ARSD: variants seen among roughly 807,000 people sequenced by gnomAD.
ARSD encodes testis tissue sperm-binding protein Li 39a.
ARSD carries 21 observed loss-of-function variants against 32.6 expected under a neutral mutation model. The ratio of observed to expected loss-of-function variants is 0.64; its 90% CI spans 0.46 to 0.93. ARSD has a LOEUF of 0.93. Ranked by LOEUF, ARSD falls within the 40% of genes least tolerant of loss-of-function variation. ARSD has a pLI of 0.00. For missense variants in ARSD, 454 were observed against 520.9 expected, an observed-to-expected ratio of 0.87 and a Z score of 1.25; for synonymous variants, 224 against 237.4, an observed-to-expected ratio of 0.94 and a Z score of 0.52.
At position 2,909,683 on chromosome X, in the gene ARSD, C is replaced by CAAAA. The variant is rs751282477; in HGVS notation, c.1298+130_1298+133dup. ...TGGGCAAGAGTGTGAGACTCTGTCT[C>CAAAA]AAAAAAAAAAAAAAAAAAAAGCTTA... On this transcript the variant is annotated intron_variant, in intron 8 of 9. Coordinates refer to ENST00000381154, the MANE Select transcript of ARSD (RefSeq NM_001669.4). 130 of 289,419 alleles carry CAAAA rather than the reference C, an allele frequency of 4.5e-4. 2 individuals carry two copies. In the African/African-American group the frequency reaches 8.8e-3, roughly 20 times the overall value. 23.9% of individuals were successfully genotyped at this position (289,419 alleles called of 1,213,427 possible).
chrX:2,909,080 GCACACA>G (rs60574020), intron 8 of ARSD, among the ~76,000 whole-genome samples: 4 of 105,895 alleles, frequency 3.8e-5, no homozygotes, highest in East Asian at 3.0e-4. Context: ...TAAGCAGAGT[GCACACA>G]CACACACACA....
chrX:2,929,312 G>A lies in ARSD; in HGVS notation c.-37C>T. Reference sequence around the variant, plus strand: ...GGCCCAGAGCGCAGGACCTTGCCCTGCGCACTCCGCGCCCGGGCGCCGCTA... The same window carrying A: ...GGCCCAGAGCGCAGGACCTTGCCCTACGCACTCCGCGCCCGGGCGCCGCTA... On this transcript the variant is annotated 5_prime_UTR_variant, in exon 1 of 10. Transcript: ENST00000381154. 2 of 945,056 alleles carry A rather than the reference G, an allele frequency of 2.1e-6. No homozygotes were observed. Among genetic ancestry groups the A allele is most frequent in the Middle Eastern group, 4.4e-4 (1 of 2,250 alleles). 77.9% of individuals were successfully genotyped at this position (945,056 alleles called of 1,213,427 possible).
intron 9 of ARSD, 54 bp from the exon 10 acceptor site, chrX:2,907,686 C>A: frequency 1.8e-6 from 2 of 1,087,327 alleles, no homozygotes; most frequent in Non-Finnish European, 2.4e-6. Flanking sequence ...CAGGTGTGAA[C>A]GCAGAACGCA....
rs1221413238 is a variant in ARSD at position 2,927,420 on chromosome X, C to T, written c.45-1655G>A. Among the ~76,000 whole-genome samples, 5 of 109,667 alleles carry T rather than the reference C, an allele frequency of 4.6e-5. No homozygotes were observed. In the East Asian group the frequency reaches 8.6e-4, roughly 19 times the overall value. ...GATCACAGGTGCCTGCCACCACGCC[C>T]GGCTAATTTTTTTGTAATTTTAGTA... On this transcript the variant is annotated intron_variant, in intron 1 of 9. Coordinates refer to ENST00000381154, the MANE Select transcript of ARSD (RefSeq NM_001669.4).
At position 2,920,657 on chromosome X, in the gene ARSD, T is replaced by C. The variant is rs2089020038; in HGVS notation, c.383A>G (p.Asn128Ser). Reference protein sequence around the residue: ...WNAGSGGLPENETTFARILQQ... With the variant: ...WNAGSGGLPESETTFARILQQ... ...CAAGATTCTTGCAAAAGTGGTTTCG[T>C]TCTCAGGGAGTCCACCTGAGCCTGC... Residue 128 changes from asparagine to serine, a missense_variant, in exon 4 of 10, where the codon AAC (asparagine) becomes AGC (serine). Coordinates refer to ENST00000381154, the MANE Select transcript of ARSD (RefSeq NM_001669.4). The C allele has an allele frequency of 2.5e-6, 3 of 1,212,014 alleles. No individual in the cohort carries two copies. Among genetic ancestry groups the C allele is most frequent in the Non-Finnish European group, 3.3e-6 (3 of 895,557 alleles).
intron 8 of ARSD, 97 bp from the exon 9 acceptor site, chrX:2,908,939 C>T: frequency 8.8e-7 from 1 of 1,142,388 alleles, no homozygotes; most frequent in Non-Finnish European, 1.2e-6. Context: ...CAAGGCTCCC[C>T]AGCAAATGGA....
At chrX:2,918,703 G>GCA (rs2089000142) in intron 4 of ARSD, among the ~76,000 whole-genome samples, 1 of 111,182 alleles carries the variant, frequency 9.0e-6, no homozygotes, top group Admixed American at 9.6e-5. Context: ...TCATGCCACT[G>GCA]CACTCCAGCC....
At chrX:2,916,863 G>GT (rs756914270) in intron 5 of ARSD, among the ~76,000 whole-genome samples, 1 of 111,463 alleles carries the variant, frequency 9.0e-6, no homozygotes, top group South Asian at 3.8e-4. Context: ...GATGGACACT[G>GT]TAAGTATGCT....
chrX:2,920,953 G>A (rs1031534508), intron 3 of ARSD, among the ~76,000 whole-genome samples: 4 of 111,445 alleles, frequency 3.6e-5, no homozygotes, highest in African/African-American at 9.8e-5. Flanking sequence ...CACTATTCTC[G>A]AAATAATAAG....
chrX:2,927,694 G>A (rs770860024), intron 1 of ARSD, among the ~76,000 whole-genome samples: 33 of 112,028 alleles, frequency 2.9e-4, no homozygotes, highest in Non-Finnish European at 4.9e-4. Flanking sequence ...GCAACCAATC[G>A]GACTGATTTC....
intron 4 of ARSD, among the ~76,000 whole-genome samples, chrX:2,919,822 A>T: frequency 4.7e-5 from 1 of 21,099 alleles, no homozygotes; most frequent in African/African-American, 2.5e-4. Context: ...TGTTGTTGAA[A>T]CTCATTTCTG....
chrX:2,917,100 A>G (rs1022023792), intron 5 of ARSD, among the ~76,000 whole-genome samples: 4 of 107,658 alleles, frequency 3.7e-5, no homozygotes, highest in Non-Finnish European at 7.7e-5. Flanking sequence ...AGACATTAGA[A>G]AAAGGCCAGG....
In ARSD at chrX:2,910,786, A is replaced by C; in HGVS notation, c.1008T>G (p.Val336=). 1 of 1,208,603 alleles carries C rather than the reference A, an allele frequency of 8.3e-7. No homozygotes were observed. Among genetic ancestry groups the C allele is most frequent in the Non-Finnish European group, 1.1e-6 (1 of 894,108 alleles). ...VEEMDWLIGK[V]LNAIEDNGLK... Reference sequence around the variant, plus strand: ...AACCATTGTCTTCGATGGCATTAAGAACCTTACCTTTACAGAAAATGGAAA... The same window carrying C: ...AACCATTGTCTTCGATGGCATTAAGCACCTTACCTTTACAGAAAATGGAAA... The change falls in exon 7 of 10, where the codon GTT becomes GTG. Residue 336 remains valine, a synonymous_variant. Coordinates refer to ENST00000381154, the MANE Select transcript of ARSD (RefSeq NM_001669.4).
chrX:2,928,740 G>A (rs2089117399), intron 1 of ARSD, among the ~76,000 whole-genome samples: 1 of 104,155 alleles, frequency 9.6e-6, no homozygotes, highest in Non-Finnish European at 2.0e-5. Context: ...TTCGGGGGAT[G>A]GAGCCTTGGG....
intron 8 of ARSD, among the ~76,000 whole-genome samples, chrX:2,909,308 C>A (rs781232965): frequency 1.8e-5 from 2 of 110,370 alleles, no homozygotes; most frequent in African/African-American, 6.6e-5. Flanking sequence ...ATGCCTCAGC[C>A]CCCTGAGTAG....
intron 2 of ARSD, among the ~76,000 whole-genome samples, chrX:2,922,842 CAAAAAAAAAAAAAAAAAA>C (rs60380048): frequency 1.4e-4 from 6 of 43,723 alleles, no homozygotes; most frequent in African/African-American, 5.5e-4. Flanking sequence ...GACCGTGTCT[CAAAAAAAAAAAAAAAAAA>C]AAAAAAAAAA....
Position 2,925,739 on chromosome X carries a change from A to G in ARSD, c.71T>C (p.Leu24Ser), listed in dbSNP as rs752372601. The change falls in exon 2 of 10, where the codon TTA becomes TCA. Residue 24 changes from leucine to serine, a missense_variant. Physicochemically the swap from Leu to Ser is moderately radical, Grantham distance 145. Coordinates refer to ENST00000381154, the MANE Select transcript of ARSD (RefSeq NM_001669.4). ...TTCACACGTCTTCAGAAGCAAGCAT[A>G]AAAACAGTAGCACCGGCAAAGAGTC... Reference protein sequence around the residue: ...ARDSLPVLLFLCLLLKTCEPK... With the variant: ...ARDSLPVLLFSCLLLKTCEPK... 1 of 1,211,352 alleles carries G rather than the reference A, an allele frequency of 8.3e-7. No homozygotes were observed. Among genetic ancestry groups the G allele is most frequent in the Non-Finnish European group, 1.1e-6 (1 of 895,242 alleles).
chrX:2,918,631 T>C (rs2088998516), intron 4 of ARSD, among the ~76,000 whole-genome samples: 1 of 110,677 alleles, frequency 9.0e-6, no homozygotes, highest in Non-Finnish European at 1.9e-5. Flanking sequence ...TCCCAGCTAC[T>C]CGGGAGGCTG....
chrX:2,917,923 G>A lies in ARSD; in HGVS notation c.744C>T (p.Phe248=), dbSNP rs73632972. Residue 248 remains phenylalanine (F), a synonymous_variant, in exon 5 of 10, where the codon TTC becomes TTT. Coordinates refer to ENST00000381154, the MANE Select transcript of ARSD (RefSeq NM_001669.4). The stretch of plus-strand genomic sequence containing the variant: ...TACAGTTCCAGCGTCGCACAAACCC[G>A]AAGGAGGAGTACCAAGAGATGAAAA... ...CLFFISWYSS[F]GFVRRWNCIL... is the part of the protein sequence containing the mutation. 7 of 1,211,013 alleles carry A rather than the reference G, an allele frequency of 5.8e-6. No individual in the cohort carries two copies. Among genetic ancestry groups the A allele is most frequent in the African/African-American group, 1.7e-5 (1 of 57,583 alleles).
Sources: gnomAD v4.1 joint callset for allele counts (sites outside exome capture counted in the v4.1 genomes callset) on GRCh38, gnomAD v4.1.1 for gene constraint, MANE v1.5 for transcripts, NCBI Gene and HGNC (gene_info 2026-07-23, HGNC 2026-07-21) for gene names.